The following AMPH variants were observed in gnomAD, a reference collection of about 807,000 sequenced individuals.
AMPH encodes amphiphysin (Stiff-Mann syndrome with breast cancer 128kD autoantigen).
In AMPH, 49 loss-of-function variants were observed where a neutral mutation model predicts 99.1. The observed-to-expected ratio is 0.49, with a 90% confidence interval of 0.39 to 0.63. The LOEUF is 0.63. Among genes scored for constraint, AMPH ranks in the 20% least tolerant of loss-of-function variants. AMPH has a pLI of 0.00. For synonymous variants in AMPH, 314 were observed against 317.3 expected (o/e 0.99, Z 0.11); for missense variants, 759 against 863.4 (o/e 0.88, Z 1.52).
intron 5 of AMPH, among the ~76,000 whole-genome samples, chr7:38,489,407 G>A (rs13228453): frequency 0.02 from 2,458 of 122,858 alleles, 34 homozygotes; most frequent in South Asian, 0.042. Flanking sequence ...GAAAAGTTGA[G>A]GGGGGGGGAA....
intron 1 of AMPH, among the ~76,000 whole-genome samples, chr7:38,558,094 C>T (rs916125540): frequency 2.6e-5 from 4 of 152,008 alleles, no homozygotes; most frequent in African/African-American, 9.7e-5. Context: ...AGGTAAAAAC[C>T]GCAAGACAAA....
intron 2 of AMPH, among the ~76,000 whole-genome samples, chr7:38,516,271 G>A (rs992816089): frequency 5.3e-5 from 8 of 152,206 alleles, no homozygotes; most frequent in African/African-American, 1.9e-4. Flanking sequence ...CTGAGGCCTA[G>A]AAGGAAAGAA....
In AMPH at chr7:38,491,156, T is replaced by G; in HGVS notation, c.301-11A>C. 1 of 1,578,986 alleles carries G rather than the reference T, an allele frequency of 6.3e-7. No individual in the cohort carries two copies. Among genetic ancestry groups the G allele is most frequent in the African/African-American group, 1.3e-5 (1 of 74,100 alleles). On this transcript the variant is annotated splice_polypyrimidine_tract_variant and intron_variant, in intron 4 of 20. Transcript: ENST00000356264. The stretch of plus-strand genomic sequence containing the variant: ...CAGCACATCACATTTCTAAAAGAAA[T>G]AAAGAGACCACTGCTGAATTATTTT...
At chr7:38,572,572 A>T (rs2129052944) in intron 1 of AMPH, among the ~76,000 whole-genome samples, 1 of 152,304 alleles carries the variant, frequency 6.6e-6, no homozygotes, top group Non-Finnish European at 1.5e-5. Flanking sequence ...CTGTTCCCAT[A>T]TCTGAGCTGA....
chr7:38,525,277 T>TATATATATATATAGAGAGAGAGAG (rs1481528083), intron 2 of AMPH, among the ~76,000 whole-genome samples: 2 of 86,660 alleles, frequency 2.3e-5, no homozygotes, highest in Admixed American at 1.2e-4. Flanking sequence ...TATATATATA[T>TATATATATATATAGAGAGAGAGAG]AGAGAGAGAG....
intron 1 of AMPH, among the ~76,000 whole-genome samples, chr7:38,606,753 T>A (rs1007050302): frequency 2.0e-5 from 3 of 151,942 alleles, no homozygotes; most frequent in Non-Finnish European, 4.4e-5. Flanking sequence ...TTTAAACTTT[T>A]TTGTAGAGAC....
chr7:38,489,669 T>C (rs1788647611), intron 5 of AMPH, among the ~76,000 whole-genome samples: 3 of 151,920 alleles, frequency 2.0e-5, no homozygotes, highest in Admixed American at 2.0e-4. Context: ...CACCCAGAGC[T>C]CAATAGAAAA....
chr7:38,560,192 G>A (rs113201982), intron 1 of AMPH, among the ~76,000 whole-genome samples: 20 of 152,232 alleles, frequency 1.3e-4, no homozygotes, highest in East Asian at 1.9e-4. Context: ...ATAGGCAAGC[G>A]GAGGCTTGAA....
At chr7:38,469,153 CAAAAAAAAAAAAAAAAAAAA>C (rs869172352) in intron 7 of AMPH, among the ~76,000 whole-genome samples, 1 of 28,884 alleles carries the variant, frequency 3.5e-5, no homozygotes, top group Admixed American at 7.9e-4. Context: ...GACTCCGCCT[CAAAAAAAAAAAAAAAAAAAA>C]AAAAAAAAAA....
At chr7:38,515,103 A>T (rs1452453628) in intron 2 of AMPH, among the ~76,000 whole-genome samples, 2 of 152,214 alleles carry the variant, frequency 1.3e-5, no homozygotes, top group Non-Finnish European at 2.9e-5. Flanking sequence ...CATTCTGGTG[A>T]TGTCTCAGAC....
At chr7:38,450,284 T>G (rs1282557590) in intron 11 of AMPH, among the ~76,000 whole-genome samples, 1 of 152,192 alleles carries the variant, frequency 6.6e-6, no homozygotes, top group Non-Finnish European at 1.5e-5. Flanking sequence ...GTTGGGGGTA[T>G]CTGCTATGAA....
Position 38,598,243 on chromosome 7 carries a change from C to T in AMPH, c.69+33040G>A, listed in dbSNP as rs1049032543. 1.3e-5 allele frequency among the ~76,000 whole-genome samples: 2 copies of T among 152,028 alleles called. 1 individual carries two copies. Among genetic ancestry groups the T allele is most frequent in the Non-Finnish European group, 2.9e-5 (2 of 67,998 alleles). Reference sequence around the variant, plus strand: ...CTGTTTAAGTCATTACTTGTGTTCGCAATGTTTTTTGTTGTTGTTGTTGTT... The same window carrying T: ...CTGTTTAAGTCATTACTTGTGTTCGTAATGTTTTTTGTTGTTGTTGTTGTT... On this transcript the variant is annotated intron_variant, in intron 1 of 20. Coordinates refer to ENST00000356264, the MANE Select transcript of AMPH (RefSeq NM_001635.4).
intron 20 of AMPH, among the ~76,000 whole-genome samples, chr7:38,388,557 T>C (rs1466408422): frequency 6.6e-6 from 1 of 152,068 alleles, no homozygotes; most frequent in Non-Finnish European, 1.5e-5. Context: ...ACTCACACTA[T>C]GATTTATTTG....
intron 1 of AMPH, among the ~76,000 whole-genome samples, chr7:38,611,656 G>A (rs570825151): frequency 1.1e-4 from 17 of 152,154 alleles, no homozygotes; most frequent in Non-Finnish European, 1.9e-4. Context: ...TACCCTGGCT[G>A]GAACAATAAT....
chr7:38,605,634 G>T (rs370643607), intron 1 of AMPH, among the ~76,000 whole-genome samples: 7 of 152,184 alleles, frequency 4.6e-5, no homozygotes, highest in African/African-American at 1.7e-4. Flanking sequence ...GGAGTGCAAT[G>T]GCACGATCTC....
At chr7:38,482,428 T>G (rs184881614) in intron 5 of AMPH, among the ~76,000 whole-genome samples, 12 of 152,276 alleles carry the variant, frequency 7.9e-5, no homozygotes, top group Admixed American at 5.9e-4. Context: ...GGAAAAGTTA[T>G]ATTGAGCTCT....
chr7:38,557,470 T>C (rs1023374881), intron 1 of AMPH, among the ~76,000 whole-genome samples: 3 of 152,202 alleles, frequency 2.0e-5, no homozygotes, highest in Non-Finnish European at 4.4e-5. Flanking sequence ...ATAAGGGGCT[T>C]TCCCCTTCAC....
intron 1 of AMPH, among the ~76,000 whole-genome samples, chr7:38,590,553 TATATCCCAATC>T (rs971393889): frequency 1.4e-4 from 22 of 152,352 alleles, no homozygotes; most frequent in Admixed American, 4.6e-4. Context: ...GCCTGGGGTT[TATATCCCAATC>T]ATTGTCCCTC....
Position 38,507,221 on chromosome 7 carries a change from GA to G in AMPH, c.151-3518del, listed in dbSNP as rs563681917. 1.8e-4 allele frequency among the ~76,000 whole-genome samples: 28 copies of G among 152,078 alleles called. No homozygotes were observed. The South Asian group carries it at 5.8e-3, about 32-fold the overall frequency. On this transcript the variant is annotated intron_variant, in intron 2 of 20. Coordinates refer to ENST00000356264, the MANE Select transcript of AMPH (RefSeq NM_001635.4). ...CAGAGTTTTTTTTTAAATGAAATAA[GA>G]AATCTAGAAGAGATTTTTTATATAA...
Sources: gnomAD v4.1 joint callset for allele counts (sites outside exome capture counted in the v4.1 genomes callset) on GRCh38, gnomAD v4.1.1 for gene constraint, MANE v1.5 for transcripts, NCBI Gene and HGNC (gene_info 2026-07-23, HGNC 2026-07-21) for gene names.